Variants in TRHDE observed in about 807,000 individuals in gnomAD.
The protein encoded by TRHDE is thyrotropin releasing hormone degrading enzyme.
In TRHDE, 72 loss-of-function variants were observed where a neutral mutation model predicts 125.7. The observed-to-expected ratio is 0.57, with a 90% confidence interval of 0.47 to 0.70. The LOEUF is 0.70. Ranked by LOEUF, TRHDE falls within the 30% of genes least tolerant of loss-of-function variation. The probability of loss-of-function intolerance (pLI) is 0.00; values close to 1 mark genes in which losing one functional copy is unlikely to be tolerated. For missense variants in TRHDE, 1,110 were observed against 1,327.1 expected, an observed-to-expected ratio of 0.84 and a Z score of 2.54; for synonymous variants, 509 against 509.1, an observed-to-expected ratio of 1.00 and a Z score of 0.00.
chr12:72,367,186 G>A (rs998699286), intron 2 of TRHDE, among the ~76,000 whole-genome samples: 3 of 152,010 alleles, frequency 2.0e-5, no homozygotes, highest in African/African-American at 2.4e-5. Context: ...TGTTCTTGCC[G>A]TAAAAACCAC....
chr12:72,260,501 A>G (rs1227808429), intron 2 of TRHDE, among the ~76,000 whole-genome samples: 1 of 152,158 alleles, frequency 6.6e-6, no homozygotes, highest in Non-Finnish European at 1.5e-5. Flanking sequence ...CACGGGAGCA[A>G]CAATGCCTGA....
chr12:72,657,895 T>C (rs568873759), intron 18 of TRHDE, among the ~76,000 whole-genome samples: 17 of 152,320 alleles, frequency 1.1e-4, no homozygotes, highest in African/African-American at 3.6e-4. Context: ...TATTTGACAT[T>C]GAGAATGATG....
At chr12:72,130,037 C>T (rs1358751272) in intron 2 of TRHDE, among the ~76,000 whole-genome samples, 1 of 152,058 alleles carries the variant, frequency 6.6e-6, no homozygotes, top group Non-Finnish European at 1.5e-5. Flanking sequence ...CGCGGTGGCT[C>T]ACGCCTGTAA....
chr12:72,577,773 C>G (rs1270119886), intron 12 of TRHDE, among the ~76,000 whole-genome samples: 1 of 152,038 alleles, frequency 6.6e-6, no homozygotes, highest in African/African-American at 2.4e-5. Context: ...CAGAACATTG[C>G]TTTCAATTCC....
At chr12:72,112,067 GTATATA>G (rs1283509867) in intron 2 of TRHDE, among the ~76,000 whole-genome samples, 1 of 152,118 alleles carries the variant, frequency 6.6e-6, no homozygotes. Flanking sequence ...GCAGAAATGT[GTATATA>G]TACAAAAAGA....
intron 2 of TRHDE, among the ~76,000 whole-genome samples, chr12:72,347,361 TAGG>T (rs921669629): frequency 6.6e-5 from 10 of 152,104 alleles, no homozygotes; most frequent in African/African-American, 2.2e-4. Flanking sequence ...GAGTATTAAT[TAGG>T]AGGCTGTTTT....
intron 2 of TRHDE, among the ~76,000 whole-genome samples, chr12:72,343,116 G>A (rs1055767153): frequency 1.3e-5 from 2 of 152,042 alleles, no homozygotes; most frequent in African/African-American, 4.8e-5. Context: ...TCTTAATCAC[G>A]CTGCTTTATA....
intron 2 of TRHDE, among the ~76,000 whole-genome samples, chr12:72,251,576 C>T (rs1319599334): frequency 6.6e-6 from 1 of 151,938 alleles, no homozygotes; most frequent in East Asian, 1.9e-4. Flanking sequence ...TGGTAGGACA[C>T]CTGAGACGGT....
In TRHDE at chr12:72,663,491, G is replaced by A; in HGVS notation, c.*296G>A. The A allele has an allele frequency of 4.9e-6, 1 of 203,486 alleles. No homozygotes were observed. Among genetic ancestry groups the A allele is most frequent in the East Asian group, 1.2e-4 (1 of 8,660 alleles). The allele number at this position is 203,486 out of a possible 1,614,324, so 12.6% of individuals were successfully genotyped here. ...GCTGTACAGGACCAAATATGATAGTGATGCATGTTGATGTTACAGTCAATT... is the reference window on the plus strand; with the variant it reads ...GCTGTACAGGACCAAATATGATAGTAATGCATGTTGATGTTACAGTCAATT... On this transcript the variant is annotated 3_prime_UTR_variant, in exon 19 of 19. Transcript: ENST00000261180.
intron 2 of TRHDE, among the ~76,000 whole-genome samples, chr12:72,369,623 G>C (rs1871486288): frequency 6.6e-6 from 1 of 152,092 alleles, no homozygotes; most frequent in Non-Finnish European, 1.5e-5. Flanking sequence ...ATAGCCCCCA[G>C]AAGGAACTTT....
At chr12:72,131,735 C>T (rs1402124487) in intron 2 of TRHDE, among the ~76,000 whole-genome samples, 3 of 152,186 alleles carry the variant, frequency 2.0e-5, no homozygotes, top group African/African-American at 7.2e-5. Flanking sequence ...AGGGAGCAGC[C>T]CACTCTGGGA....
Position 72,180,949 on chromosome 12 carries a change from G to T in TRHDE, n.279+75197G>T, listed in dbSNP as rs190053534. ...ACAACTATGGTAAAACTTTATTTAG[G>T]TCTCTTTATTATGGCAGTTAGCCTA... is the stretch of plus-strand genomic sequence containing the variant. On this transcript the variant is annotated intron_variant and non_coding_transcript_variant, in intron 2 of 4. Transcript: ENST00000548156. Among the ~76,000 whole-genome samples, 26 of 152,222 alleles carry T rather than the reference G, an allele frequency of 1.7e-4. No homozygotes were observed. The East Asian group carries it at 4.4e-3, about 26-fold the overall frequency.
chr12:72,419,777 A>G (rs1260903328), intron 3 of TRHDE, among the ~76,000 whole-genome samples: 1 of 152,182 alleles, frequency 6.6e-6, no homozygotes, highest in African/African-American at 2.4e-5. Flanking sequence ...ATTAAGGGAG[A>G]TAACTGATGT....
At chr12:72,436,658 C>T (rs1874760011) in intron 3 of TRHDE, among the ~76,000 whole-genome samples, 1 of 151,862 alleles carries the variant, frequency 6.6e-6, no homozygotes, top group Admixed American at 6.6e-5. Context: ...GAGAATCAGC[C>T]TGACATACTC....
At position 72,648,677 on chromosome 12, in the gene TRHDE, C is replaced by T. The variant is rs572792034; in HGVS notation, c.2676-3645C>T. On this transcript the variant is annotated intron_variant, in intron 15 of 18. Transcript: ENST00000261180. ...AAATAATAAAATAGGCTGGGCATGG[C>T]GGCTCATGCCTGTAATCTCAACACT... Among the ~76,000 whole-genome samples, 13 of 151,782 alleles carry T rather than the reference C, an allele frequency of 8.6e-5. No homozygotes were observed. The East Asian group carries it at 1.4e-3, about 16-fold the overall frequency.
At chr12:72,122,939 T>TAACAAC (rs1404415866) in intron 2 of TRHDE, among the ~76,000 whole-genome samples, 2 of 151,874 alleles carry the variant, frequency 1.3e-5, no homozygotes, top group Middle Eastern at 3.2e-3. Context: ...AAGTGAAAGC[T>TAACAAC]AACAACAACA....
intron 1 of TRHDE, among the ~76,000 whole-genome samples, chr12:72,278,753 TC>T (rs1879585909): frequency 6.6e-6 from 1 of 152,230 alleles, no homozygotes; most frequent in African/African-American, 2.4e-5. Context: ...TGAGAAATTT[TC>T]ATTCAGGTCT....
intron 3 of TRHDE, among the ~76,000 whole-genome samples, chr12:72,411,126 C>T (rs1164270540): frequency 4.0e-5 from 6 of 151,324 alleles, no homozygotes; most frequent in African/African-American, 7.3e-5. Context: ...TGGTGTGAAC[C>T]CAGGAGGCGG....
chr12:72,389,289 A>G (rs1872542962), intron 3 of TRHDE, among the ~76,000 whole-genome samples: 1 of 152,124 alleles, frequency 6.6e-6, no homozygotes. Context: ...GAGTAATACC[A>G]AGGAGATCAG....
Sources: allele counts gnomAD v4.1 joint callset (sites outside exome capture counted in the v4.1 genomes callset), GRCh38; gene constraint gnomAD v4.1.1; transcripts MANE v1.5; gene names NCBI Gene and HGNC (gene_info 2026-07-23, HGNC 2026-07-21).